Variants in CABP1 observed in about 807,000 individuals in gnomAD.
The protein encoded by CABP1 is calcium-binding protein 1.
In CABP1, 17 loss-of-function variants were observed where a neutral mutation model predicts 34.3. The observed-to-expected ratio is 0.50, with a 90% CI of 0.34 to 0.74. The LOEUF (loss-of-function observed/expected upper bound fraction) is 0.74, where lower values mean the gene tolerates loss of function less well. CABP1 is among the 30% of genes least tolerant of loss of function. The pLI is 0.01. For synonymous variants in CABP1, 198 were observed against 229.2 expected, an observed-to-expected ratio of 0.86 and a Z score of 1.23; for missense variants, 373 against 511.1, an observed-to-expected ratio of 0.73 and a Z score of 2.61.
chr12:120,652,292 A>T (rs1352281613), intron 1 of CABP1, among the ~76,000 whole-genome samples: 2 of 152,354 alleles, frequency 1.3e-5, no homozygotes, highest in Middle Eastern at 3.4e-3. Context: ...AGAGATTTTC[A>T]GTCCACAGAG....
rs757749161 is a variant in CABP1, at chr12:120,661,262, C to T, written c.1087+44C>T. 1 of 1,585,756 alleles carries T rather than the reference C, an allele frequency of 6.3e-7. No individual in the cohort carries two copies. The highest frequency in any genetic ancestry group is 1.1e-5 in the South Asian group (1 of 88,816). ...TGGGAGAGAAGCAAGCCAGCAGTGG[C>T]CATCCATGGAGCCCTCCAATTGTGT... On this transcript the variant is annotated intron_variant, in intron 5 of 5. Transcript: ENST00000316803. The surrounding 1 kb of genome is among the most constrained non-coding windows in gnomAD (Gnocchi z 5.1).
intron 1 of CABP1, among the ~76,000 whole-genome samples, chr12:120,643,635 T>C (rs192744197): frequency 6.6e-6 from 1 of 152,378 alleles, no homozygotes; most frequent in East Asian, 1.9e-4. Flanking sequence ...TCTCACTATG[T>C]TGCCCGGGCA....
chr12:120,641,198 G>T lies in CABP1; in HGVS notation c.513G>T (p.Glu171Asp). The stretch of plus-strand genomic sequence containing the variant: ...CGCCGGCCCGCGGGCGGGATGGGGA[G>T]GAACGGGGACTGTCCCCGGCGCTCG... ...PLPPARGRDGEERGLSPALGL... is the reference protein window; with the variant it reads ...PLPPARGRDGDERGLSPALGL... The change falls in exon 1 of 6, where the codon GAG becomes GAT. Residue 171 changes from glutamate to aspartate, a missense_variant. This residue lies in a region of CABP1 where 121 missense variants were observed against 125.5 expected (regional missense o/e 0.96). Coordinates refer to ENST00000316803, the MANE Select transcript of CABP1 (RefSeq NM_001033677.2). This position sits in a 1 kb window ranked among gnomAD's most constrained non-coding sequence, Gnocchi z 6.7. The T allele has an allele frequency of 8.0e-7, 1 of 1,244,760 alleles. No individual in the cohort carries two copies. Among genetic ancestry groups the T allele is most frequent in the Non-Finnish European group, 1.0e-6 (1 of 996,114 alleles). The allele number at this position is 1,244,760 out of a possible 1,614,324, so 77.1% of individuals were successfully genotyped here.
downstream of CABP1, among the ~76,000 whole-genome samples, chr12:120,669,220 C>T (rs1592901114): frequency 1.3e-5 from 2 of 152,320 alleles, no homozygotes; most frequent in South Asian, 2.1e-4. Flanking sequence ...GCCAGAGGCC[C>T]GGGTAATCCT....
intron 5 of CABP1, among the ~76,000 whole-genome samples, chr12:120,663,872 C>T (rs989291923): frequency 2.6e-5 from 4 of 152,194 alleles, no homozygotes; most frequent in Admixed American, 6.5e-5. Context: ...TGAGGCACTA[C>T]GGGATACAGG....
chr12:120,641,305 G>T lies in CABP1; in HGVS notation c.620G>T (p.Arg207Leu). Residue 207 changes from arginine to leucine, a missense_variant, in exon 1 of 6, where the codon CGG becomes CTG. Arg to Leu is a moderately radical substitution (Grantham distance 102, BLOSUM62 -2). This residue lies in a region of CABP1 where 121 missense variants were observed against 125.5 expected (regional missense o/e 0.96). Coordinates refer to ENST00000316803, the MANE Select transcript of CABP1 (RefSeq NM_001033677.2). This position sits in a 1 kb window ranked among gnomAD's most constrained non-coding sequence, Gnocchi z 6.7. Reference protein sequence around the residue: ...AASEADPFLHRLRPMLSSAFG... With the variant: ...AASEADPFLHLLRPMLSSAFG... The stretch of plus-strand genomic sequence containing the variant: ...TCCGAGGCGGACCCGTTCCTCCACC[G>T]GCTGCGCCCCATGCTCAGCTCCGCC... 1 of 1,317,268 alleles carries T rather than the reference G, an allele frequency of 7.6e-7. No individual in the cohort carries two copies. Among genetic ancestry groups the T allele is most frequent in the South Asian group, 2.0e-5 (1 of 49,992 alleles). 81.6% of individuals were successfully genotyped at this position (1,317,268 alleles called of 1,614,324 possible). A position where few individuals can be genotyped will look rare whatever the true frequency, so the allele number is the denominator to read the frequency against.
At chr12:120,642,329 T>G (rs1225810393) in intron 1 of CABP1, among the ~76,000 whole-genome samples, 5 of 152,146 alleles carry the variant, frequency 3.3e-5, no homozygotes, top group African/African-American at 1.2e-4. Flanking sequence ...TGTGCTGAGA[T>G]CTAGCATAAA....
downstream of CABP1, among the ~76,000 whole-genome samples, chr12:120,671,632 G>A (rs529034278): frequency 1.3e-5 from 2 of 152,360 alleles, no homozygotes; most frequent in South Asian, 2.1e-4. Context: ...CCAGGCCCAC[G>A]GCCACAGAAA....
At chr12:120,642,560 A>T (rs549769972) in intron 1 of CABP1, among the ~76,000 whole-genome samples, 24 of 152,076 alleles carry the variant, frequency 1.6e-4, no homozygotes, top group Non-Finnish European at 3.1e-4. Context: ...TCCTGCAGGG[A>T]GCCCTCGTTA....
the CABP1 span, among the ~76,000 whole-genome samples, chr12:120,675,531 T>C: frequency 0.051 from 7,707 of 152,314 alleles, 230 homozygotes; most frequent in South Asian, 0.1. Flanking sequence ...TTTCTGGAGT[T>C]GAACTTAAAT....
At position 120,660,742 on chromosome 12, in the gene CABP1, G is replaced by A; in HGVS notation, c.841G>A (p.Val281Ile). 1 of 1,612,852 alleles carries A rather than the reference G, an allele frequency of 6.2e-7. No homozygotes were observed. Among genetic ancestry groups the A allele is most frequent in the Non-Finnish European group, 8.5e-7 (1 of 1,178,828 alleles). ...TCCTCCTTTTCCAGTGGGTGGCCAT[G>A]TAGATTTTGATGACTTCGTGGAGCT... ...QQINMNLGGH[V>I]DFDDFVELMG... is the part of the protein sequence containing the mutation. The change falls in exon 4 of 6, where the codon GTA becomes ATA. Residue 281 changes from valine (V) to isoleucine (I), a missense_variant. Val to Ile is a conservative substitution (Grantham distance 29). Coordinates refer to ENST00000316803, the MANE Select transcript of CABP1 (RefSeq NM_001033677.2). This position sits in a 1 kb window ranked among gnomAD's most constrained non-coding sequence, Gnocchi z 5.0.
At chr12:120,680,017 C>T in the CABP1 span, among the ~76,000 whole-genome samples, 1 of 151,832 alleles carries the variant, frequency 6.6e-6, no homozygotes, top group South Asian at 2.1e-4. Flanking sequence ...ACTAGAAGTA[C>T]AAAAATTAGC....
At chr12:120,666,639 CTG>C (rs1358478526) in intron 5 of CABP1, among the ~76,000 whole-genome samples, 4 of 152,072 alleles carry the variant, frequency 2.6e-5, no homozygotes, top group African/African-American at 9.7e-5. Flanking sequence ...GGCCATGAGG[CTG>C]TGTCAGGATA....
chr12:120,678,952 A>G, the CABP1 span, among the ~76,000 whole-genome samples: 1 of 151,598 alleles, frequency 6.6e-6, no homozygotes, highest in Non-Finnish European at 1.5e-5. Context: ...GTATGCCTGT[A>G]GTCGCAGCTA....
chr12:120,646,060 G>A (rs150437826), intron 1 of CABP1, among the ~76,000 whole-genome samples: 2 of 152,266 alleles, frequency 1.3e-5, no homozygotes, highest in East Asian at 3.9e-4. Context: ...CTAAAAATAA[G>A]TAAATAAGTA....
At chr12:120,648,866 GC>G (rs1483106476) in intron 1 of CABP1, among the ~76,000 whole-genome samples, 1 of 147,666 alleles carries the variant, frequency 6.8e-6, no homozygotes, top group Admixed American at 6.8e-5. Context: ...GGGCAACAGA[GC>G]AAGACACTGT....
intron 1 of CABP1, 111 bp from the exon 2 acceptor site, chr12:120,659,767 C>A: frequency 1.1e-6 from 1 of 931,566 alleles, no homozygotes; most frequent in Non-Finnish European, 1.7e-6. Flanking sequence ...GTGCTGCATC[C>A]TCGTCACCTC....
At chr12:120,656,198 T>G (rs752352081) in intron 1 of CABP1, 1 of 1,610,838 alleles carries the variant, frequency 6.2e-7, no homozygotes, top group Admixed American at 1.7e-5. Context: ...GGCCCAGAAC[T>G]GCGCAGTCAT....
At chr12:120,652,520 G>A (rs1879911572) in intron 1 of CABP1, among the ~76,000 whole-genome samples, 1 of 152,100 alleles carries the variant, frequency 6.6e-6, no homozygotes, top group Admixed American at 6.6e-5. Context: ...AGCAGAGCTG[G>A]GATTTAAACC....
Sources: allele counts gnomAD v4.1 joint callset (sites outside exome capture counted in the v4.1 genomes callset), GRCh38; gene constraint gnomAD v4.1.1; regional missense constraint gnomAD v4.1.1; non-coding constraint Gnocchi (gnomAD v3.1); transcripts MANE v1.5; gene names NCBI Gene and HGNC (gene_info 2026-07-23, HGNC 2026-07-21).